The following GPHN variants were observed in gnomAD, a reference collection of about 807,000 sequenced individuals.
GPHN encodes the protein gephyrin.
Under a neutral mutation model 95.5 loss-of-function variants are expected in GPHN, and 17 were observed. The observed-to-expected ratio is 0.18, with a 90% confidence interval of 0.12 to 0.27. The LOEUF is 0.27. GPHN is among the 10% of genes least tolerant of loss of function. The pLI, the probability that GPHN is intolerant of heterozygous loss-of-function variation, is 1.00. For synonymous variants in GPHN, 320 were observed against 322.5 expected, an observed-to-expected ratio of 0.99 and a Z score of 0.08; for missense variants, 660 against 978.1, an observed-to-expected ratio of 0.67 and a Z score of 4.34.
chr14:67,552,876 C>A, the GPHN span, among the ~76,000 whole-genome samples: 1 of 152,042 alleles, frequency 6.6e-6, no homozygotes, highest in African/African-American at 2.4e-5. Context: ...CCAGGGGAGA[C>A]CCCAGGCTCT....
intron 4 of GPHN, among the ~76,000 whole-genome samples, chr14:66,872,519 C>T (rs750601016): frequency 1.3e-5 from 2 of 152,040 alleles, no homozygotes; most frequent in Non-Finnish European, 2.9e-5. Flanking sequence ...ATTTTCTTGT[C>T]TTTAGGAAAA....
At chr14:66,736,467 C>T (rs533352607) in intron 2 of GPHN, among the ~76,000 whole-genome samples, 4 of 147,498 alleles carry the variant, frequency 2.7e-5, no homozygotes, top group South Asian at 2.2e-4. Flanking sequence ...GGTGCAATCT[C>T]GGCTCACTGC....
chr14:67,292,678 C>G, the GPHN span: 3 of 1,613,650 alleles, frequency 1.9e-6, no homozygotes, highest in Non-Finnish European at 2.5e-6. Context: ...GGCCAGTCCT[C>G]CATTTCCTCT....
chr14:67,593,921 A>G, the GPHN span: 1 of 1,613,206 alleles, frequency 6.2e-7, no homozygotes, highest in Non-Finnish European at 8.5e-7. Context: ...TAAGAGGGTG[A>G]TGAAGATGGC....
the GPHN span, among the ~76,000 whole-genome samples, chr14:67,407,469 C>A: frequency 2.0e-5 from 3 of 151,714 alleles, no homozygotes; most frequent in African/African-American, 7.3e-5. Flanking sequence ...GAGGCAGGGT[C>A]TCATTTGGTT....
the GPHN span, among the ~76,000 whole-genome samples, chr14:67,526,230 A>C: frequency 6.6e-6 from 1 of 152,202 alleles, no homozygotes; most frequent in Admixed American, 6.5e-5. Context: ...CTCCTAATAC[A>C]ATTGGGAGTC....
chr14:67,692,366 C>G, the GPHN span: 5 of 1,539,070 alleles, frequency 3.2e-6, no homozygotes, highest in Non-Finnish European at 4.4e-6. Flanking sequence ...GAAGAGGGAC[C>G]TTTTCCTTTT....
intron 3 of GPHN, among the ~76,000 whole-genome samples, chr14:66,797,490 C>CTCTTTATT (rs1207149604): frequency 2.0e-5 from 3 of 151,602 alleles, no homozygotes; most frequent in Admixed American, 6.6e-5. Context: ...TATTTTTTAT[C>CTCTTTATT]TCTTTATTTT....
chr14:67,089,133 C>CTTTTGTTTTTTTTTTTTTTTTTTTTT, intron 12 of GPHN, 58 bp downstream of exon 12: 1 of 198,576 alleles, frequency 5.0e-6, no homozygotes. Flanking sequence ...TTCTTTTTTT[C>CTTTTGTTTTTTTTTTTTTTTTTTTTT]TTTTTTTTTT....
the GPHN span, among the ~76,000 whole-genome samples, chr14:67,563,426 C>CT: frequency 3.4e-5 from 5 of 148,658 alleles, no homozygotes; most frequent in South Asian, 2.1e-4. Context: ...TTTTTCTTTT[C>CT]TTTTTTTTGG....
chr14:67,118,712 A>G (rs960254514), intron 16 of GPHN, among the ~76,000 whole-genome samples: 5 of 151,950 alleles, frequency 3.3e-5, no homozygotes, highest in African/African-American at 1.2e-4. Flanking sequence ...AGCCAGGGCG[A>G]CAGAGCGAGA....
intron 9 of GPHN, among the ~76,000 whole-genome samples, chr14:67,007,035 A>G (rs2072657419): frequency 6.6e-6 from 1 of 152,180 alleles, no homozygotes; most frequent in Non-Finnish European, 1.5e-5. Context: ...ATTGCCTCCA[A>G]TATTTTAAAA....
the GPHN span, among the ~76,000 whole-genome samples, chr14:67,543,477 G>A: frequency 6.6e-6 from 1 of 152,232 alleles, no homozygotes; most frequent in Non-Finnish European, 1.5e-5. Flanking sequence ...GATTCTCAAA[G>A]TGTGGTCAGA....
At chr14:67,380,511 A>G in the GPHN span, 1 of 417,674 alleles carries the variant, frequency 2.4e-6, no homozygotes, top group Non-Finnish European at 4.3e-6. Context: ...TAAGATTTGA[A>G]TTCTAATTGT....
chr14:66,600,320 A>C (rs2062173415), intron 1 of GPHN, among the ~76,000 whole-genome samples: 1 of 152,122 alleles, frequency 6.6e-6, no homozygotes, highest in Admixed American at 6.5e-5. Flanking sequence ...ATTAACAATA[A>C]AATTGTAATG....
intron 5 of GPHN, among the ~76,000 whole-genome samples, chr14:66,904,239 C>T (rs1423444062): frequency 6.6e-6 from 1 of 152,018 alleles, no homozygotes; most frequent in Non-Finnish European, 1.5e-5. Flanking sequence ...TAAGAACAAA[C>T]CTTCCACAGG....
chr14:67,526,350 G>A, the GPHN span, among the ~76,000 whole-genome samples: 10 of 152,350 alleles, frequency 6.6e-5, no homozygotes, highest in South Asian at 6.2e-4. Context: ...TCCCCTGCCC[G>A]TGTAACATGG....
At chr14:67,417,370 C>G in the GPHN span, among the ~76,000 whole-genome samples, 24 of 152,190 alleles carry the variant, frequency 1.6e-4, no homozygotes, top group Admixed American at 1.6e-3. Context: ...TCCACTCGAT[C>G]CCACGTTGTG....
chr14:67,000,179 A>G (rs545453164), intron 9 of GPHN, among the ~76,000 whole-genome samples: 4 of 151,932 alleles, frequency 2.6e-5, no homozygotes, highest in South Asian at 4.1e-4. Flanking sequence ...TAGGACACCA[A>G]TTCTGATCTA....
Sources: gnomAD v4.1 joint callset for allele counts (sites outside exome capture counted in the v4.1 genomes callset) on GRCh38, gnomAD v4.1.1 for gene constraint, MANE v1.5 for transcripts, NCBI Gene and HGNC (gene_info 2026-07-23, HGNC 2026-07-21) for gene names.